B9D1: variants seen among roughly 807,000 people sequenced by gnomAD.
The protein encoded by B9D1 is B9 domain-containing protein 1.
Under a neutral mutation model 26.1 loss-of-function variants are expected in B9D1, and 20 were observed. That is an observed-to-expected ratio of 0.77 (90% CI 0.54 to 1.12). B9D1 has a LOEUF of 1.12. Among genes scored for constraint, B9D1 ranks in the 50% most tolerant of loss-of-function variants. The pLI is 0.00. For synonymous variants in B9D1, 105 were observed against 103.1 expected, an observed-to-expected ratio of 1.02 and a Z score of -0.11; for missense variants, 260 against 273.7, an observed-to-expected ratio of 0.95 and a Z score of 0.35.
chr17:19,340,049 G>A (rs1257498152), downstream of B9D1, among the ~76,000 whole-genome samples: 3 of 50,468 alleles, frequency 5.9e-5, no homozygotes, highest in Non-Finnish European at 1.2e-4. Flanking sequence ...CCCCCCCCCC[G>A]GCTTCCCGGG....
At chr17:19,337,027 G>C (rs1471491106), downstream of B9D1, among the ~76,000 whole-genome samples, 2 of 152,216 alleles carry the variant, frequency 1.3e-5, no homozygotes, top group Non-Finnish European at 2.9e-5. Flanking sequence ...GGTGGAGGCT[G>C]CTTTGGATGA....
intron 3 of B9D1, among the ~76,000 whole-genome samples, chr17:19,354,230 T>C (rs1910033016): frequency 6.6e-6 from 1 of 152,156 alleles, no homozygotes; most frequent in African/African-American, 2.4e-5. Flanking sequence ...CCTGAAAAGC[T>C]AAAAGAATTC....
At chr17:19,337,626 G>GT, downstream of B9D1, 1 of 1,246,372 alleles carries the variant, frequency 8.0e-7, no homozygotes, top group East Asian at 2.5e-5. Context: ...TTACGCTGCA[G>GT]TAACACATCT....
At chr17:19,337,884 C>CA, downstream of B9D1, 1 of 329,526 alleles carries the variant, frequency 3.0e-6, no homozygotes, top group East Asian at 8.9e-5. Context: ...TGGGGATGGG[C>CA]AAGTGCAGGC....
intron 2 of B9D1, among the ~76,000 whole-genome samples, chr17:19,358,639 G>A (rs1324292982): frequency 6.6e-6 from 1 of 152,088 alleles, no homozygotes; most frequent in Non-Finnish European, 1.5e-5. Flanking sequence ...TGGCTTCTGG[G>A]TCTCTCCACT....
chr17:19,347,978 G>A lies in B9D1; in HGVS notation c.245-98C>T, dbSNP rs1909084984. ...GTCCAGCTGAGGGTGCTCAAAGGAT[G>A]GAGCTCAAAACTCTGGGGTGGCAGG... On this transcript the variant is annotated intron_variant, in intron 3 of 6. Transcript: ENST00000261499. This position sits in a 1 kb window ranked among gnomAD's most constrained non-coding sequence, Gnocchi z 4.3. 2 of 1,067,810 alleles carry A rather than the reference G, an allele frequency of 1.9e-6. No individual in the cohort carries two copies. Among genetic ancestry groups the A allele is most frequent in the South Asian group, 2.6e-5 (2 of 75,866 alleles). The allele number at this position is 1,067,810 out of a possible 1,614,324, so 66.1% of individuals were successfully genotyped here. A position where few individuals can be genotyped will look rare whatever the true frequency, so the allele number is the denominator to read the frequency against.
chr17:19,348,014 G>A (rs923667517), intron 3 of B9D1, 134 bp from the exon 4 acceptor site: 6 of 762,594 alleles, frequency 7.9e-6, no homozygotes, highest in Admixed American at 6.0e-5. Flanking sequence ...CTTGAGAGGG[G>A]ACAGGAGCAG....
At chr17:19,348,419 A>C (rs989204046) in intron 3 of B9D1, among the ~76,000 whole-genome samples, 2 of 152,172 alleles carry the variant, frequency 1.3e-5, no homozygotes, top group African/African-American at 4.8e-5. Context: ...GAGGCGCATG[A>C]GGCACTTTCA....
Position 19,347,028 on chromosome 17 carries a change from C to G in B9D1, c.404+241G>C. On this transcript the variant is annotated intron_variant, in intron 5 of 6. Coordinates refer to ENST00000261499, the MANE Select transcript of B9D1 (RefSeq NM_015681.6). The surrounding 1 kb of genome is among the most constrained non-coding windows in gnomAD (Gnocchi z 4.3). ...TCTGACAAGAGTTTTTCCTCTGCTC[C>G]CTCAGACACAAAGATTTTTCACAGG... 6.5e-7 allele frequency: 1 copy of G among 1,546,100 alleles called. No individual in the cohort carries two copies. The highest frequency in any genetic ancestry group is 8.7e-7 in the Non-Finnish European group (1 of 1,145,866).
At chr17:19,342,215 A>G (rs999736262), downstream of B9D1, among the ~76,000 whole-genome samples, 1 of 152,174 alleles carries the variant, frequency 6.6e-6, no homozygotes, top group South Asian at 2.1e-4. Flanking sequence ...GGCAGAGGGA[A>G]CTTCCTATTC....
At chr17:19,377,224 C>T (rs1227911011) in intron 1 of B9D1, among the ~76,000 whole-genome samples, 2 of 152,208 alleles carry the variant, frequency 1.3e-5, no homozygotes, top group Non-Finnish European at 2.9e-5. Context: ...AGACTTGTCT[C>T]AGATACTTGG....
Position 19,347,483 on chromosome 17 carries a change from C to G in B9D1, c.342-152G>C. 1.0e-6 allele frequency: 1 copy of G among 977,070 alleles called. No individual in the cohort carries two copies. The highest frequency in any genetic ancestry group is 1.6e-6 in the Non-Finnish European group (1 of 627,120). The allele number at this position is 977,070 out of a possible 1,614,324, so 60.5% of individuals were successfully genotyped here. On this transcript the variant is annotated intron_variant, in intron 4 of 6. Transcript: ENST00000261499. The surrounding 1 kb of genome is among the most constrained non-coding windows in gnomAD (Gnocchi z 4.3). Reference sequence around the variant, plus strand: ...AATCCAACCTGTGCTAACTGAGCACCCCCTGTGTCTGGGCAAGGTGCTGAG... The same window carrying G: ...AATCCAACCTGTGCTAACTGAGCACGCCCTGTGTCTGGGCAAGGTGCTGAG...
At chr17:19,376,310 TA>T (rs1180547623) in intron 1 of B9D1, among the ~76,000 whole-genome samples, 1 of 152,152 alleles carries the variant, frequency 6.6e-6, no homozygotes, top group African/African-American at 2.4e-5. Flanking sequence ...CAGCACACCC[TA>T]AAATTTAACC....
intron 6 of B9D1, 126 bp downstream of exon 6, chr17:19,343,664 G>A (rs761820774): frequency 6.2e-7 from 1 of 1,603,194 alleles, no homozygotes. Flanking sequence ...CCTCATCTGG[G>A]AACATTTGTG....
At chr17:19,337,041 G>C (rs1316930688), downstream of B9D1, among the ~76,000 whole-genome samples, 1 of 152,216 alleles carries the variant, frequency 6.6e-6, no homozygotes, top group Non-Finnish European at 1.5e-5. Context: ...TGGATGAGGT[G>C]GAAGTGACAG....
At chr17:19,355,464 G>A (rs551377647) in intron 3 of B9D1, among the ~76,000 whole-genome samples, 68 of 151,638 alleles carry the variant, frequency 4.5e-4, no homozygotes, top group African/African-American at 1.6e-3. Flanking sequence ...AGGAGGTAGA[G>A]GTTGCAATGA....
downstream of B9D1, among the ~76,000 whole-genome samples, chr17:19,341,868 G>A (rs1908004910): frequency 6.6e-6 from 1 of 152,196 alleles, no homozygotes; most frequent in Non-Finnish European, 1.5e-5. Flanking sequence ...GGAAAGCAAG[G>A]AAAGAGGGGC....
upstream of B9D1, chr17:19,363,068 C>G (rs188617569): frequency 2.2e-3 from 430 of 198,556 alleles, no homozygotes; most frequent in Non-Finnish European, 3.5e-3. Context: ...CGGAGGGAGG[C>G]GCTGCAGAGC....
intron 1 of B9D1, among the ~76,000 whole-genome samples, chr17:19,368,126 G>A (rs922781306): frequency 4.6e-5 from 7 of 152,308 alleles, no homozygotes; most frequent in East Asian, 1.9e-4. Flanking sequence ...GGCAGAGCCC[G>A]AGGTGGGATA....
Sources: allele counts gnomAD v4.1 joint callset (sites outside exome capture counted in the v4.1 genomes callset), GRCh38; gene constraint gnomAD v4.1.1; non-coding constraint Gnocchi (gnomAD v3.1); transcripts MANE v1.5; gene names NCBI Gene and HGNC (gene_info 2026-07-23, HGNC 2026-07-21).